UMODL1: variants seen among roughly 807,000 people sequenced by gnomAD.
UMODL1 encodes uromodulin like 1.
A neutral mutation model predicts 136.3 loss-of-function variants in UMODL1; 128 were observed. That is an observed-to-expected ratio of 0.94 (90% CI 0.81 to 1.09). The LOEUF (loss-of-function observed/expected upper bound fraction) is 1.09, where lower values mean the gene tolerates loss of function less well. Among genes scored for constraint, UMODL1 ranks in the 50% least tolerant of loss-of-function variants. UMODL1 has a pLI of 0.00. For missense variants in UMODL1, 1,766 were observed against 1,725.6 expected (o/e 1.02, Z -0.41); for synonymous variants, 721 against 720.0 (o/e 1.00, Z -0.02).
At position 42,099,275 on chromosome 21, in the gene UMODL1, C is replaced by G; in HGVS notation, c.1186+95C>G. The stretch of plus-strand genomic sequence containing the variant: ...GCATGTCGCGTTCTTCTTCCTATAA[C>G]CAGGGCACCAGAAGTCACTGACCGC... On this transcript the variant is annotated intron_variant, in intron 7 of 22. Transcript: ENST00000408910. The surrounding 1 kb of genome is among the most constrained non-coding windows in gnomAD (Gnocchi z 4.1). 2.0e-6 allele frequency: 3 copies of G among 1,497,308 alleles called. No homozygotes were observed. The South Asian group carries it at 4.0e-5, about 20-fold the overall frequency. 92.8% of individuals were successfully genotyped at this position (1,497,308 alleles called of 1,614,324 possible).
At chr21:42,094,494 T>C (rs2066530150) in intron 6 of UMODL1, among the ~76,000 whole-genome samples, 2 of 152,138 alleles carry the variant, frequency 1.3e-5, no homozygotes, top group Non-Finnish European at 2.9e-5. Flanking sequence ...AAGTTTAGAT[T>C]ATCCGCATTG....
At chr21:42,079,687 G>A (rs1332005815) in intron 2 of UMODL1, among the ~76,000 whole-genome samples, 1 of 152,174 alleles carries the variant, frequency 6.6e-6, no homozygotes, top group Non-Finnish European at 1.5e-5. Flanking sequence ...CCAATCCCTC[G>A]GGCACCAAAG....
intron 9 of UMODL1, chr21:42,108,502 C>A: frequency 2.4e-6 from 1 of 421,692 alleles, no homozygotes; most frequent in Non-Finnish European, 4.9e-6. Flanking sequence ...AGCCTCAGAG[C>A]ACTCAGCAGC....
Position 42,119,240 on chromosome 21 carries a change from G to A in UMODL1, c.2605G>A (p.Val869Ile). ...CTTGCTGATAATCGCAGATGTGGAT[G>A]TCCAGGAGGTGTCAGCTGCATTTCT... ...FHLLIIADVD[V>I]QEVSAAFLTA... Residue 869 changes from valine to isoleucine, a missense_variant, in exon 15 of 23, where the codon GTC becomes ATC. By Grantham distance (29) the Val-to-Ile change is conservative. Coordinates refer to ENST00000408910, the MANE Select transcript of UMODL1 (RefSeq NM_001004416.3). 3 of 1,614,220 alleles carry A rather than the reference G, an allele frequency of 1.9e-6. No homozygotes were observed. The highest frequency in any genetic ancestry group is 1.7e-5 in the Admixed American group (1 of 60,032).
intron 6 of UMODL1, 114 bp downstream of exon 6, chr21:42,090,552 T>A (rs530790114): frequency 7.7e-7 from 1 of 1,303,318 alleles, no homozygotes; most frequent in Non-Finnish European, 1.0e-6. Context: ...AACTCTGCCA[T>A]GAAATATCTT....
At chr21:42,074,756 G>T (rs943617890) in intron 1 of UMODL1, among the ~76,000 whole-genome samples, 5 of 152,018 alleles carry the variant, frequency 3.3e-5, no homozygotes, top group African/African-American at 1.2e-4. Context: ...ATGGAGTCTC[G>T]CTCTGTCACC....
At chr21:42,119,067 C>T (rs2066935117) in intron 14 of UMODL1, 44 bp from the exon 15 acceptor site, 2 of 1,588,790 alleles carry the variant, frequency 1.3e-6, no homozygotes, top group Non-Finnish European at 8.6e-7. Context: ...GCATCTGTTT[C>T]CTCTCAGCGT....
At chr21:42,070,834 T>C (rs944024451), upstream of UMODL1, among the ~76,000 whole-genome samples, 3 of 152,226 alleles carry the variant, frequency 2.0e-5, no homozygotes, top group South Asian at 6.2e-4. Context: ...ACTTTTGAAG[T>C]GCATTGTGGA....
chr21:42,081,800 T>C (rs2066365492), intron 2 of UMODL1, among the ~76,000 whole-genome samples: 1 of 152,186 alleles, frequency 6.6e-6, no homozygotes, highest in Non-Finnish European at 1.5e-5. Context: ...CATAGTTTAT[T>C]TGGATTCCCC....
In UMODL1 at chr21:42,142,410, C is replaced by A. The variant is rs71320513; in HGVS notation, c.*336C>A. 4 of 152,298 alleles carry A rather than the reference C, an allele frequency of 2.6e-5. No individual in the cohort carries two copies. The highest frequency in any genetic ancestry group is 7.2e-5 in the African/African-American group (3 of 41,460). 9.4% of individuals were successfully genotyped at this position (152,298 alleles called of 1,614,324 possible). A position where few individuals can be genotyped will look rare whatever the true frequency, so the allele number is the denominator to read the frequency against. On this transcript the variant is annotated 3_prime_UTR_variant, in exon 23 of 23. Coordinates refer to ENST00000408910, the MANE Select transcript of UMODL1 (RefSeq NM_001004416.3). ...TGCGGCTACACCACCACCCGCGCGG[C>A]CCCCGCAGCCTAGACCTCCCAGGCC...
intron 5 of UMODL1, among the ~76,000 whole-genome samples, chr21:42,088,712 G>T (rs220302): frequency 0.27 from 41,171 of 150,654 alleles, 5,804 homozygotes; most frequent in East Asian, 0.4. Context: ...AACTTATTTT[G>T]CCCCCCATTT....
In UMODL1 at chr21:42,088,462, A is replaced by G. The variant is rs2066452951; in HGVS notation, c.772A>G (p.Ile258Val). The change falls in exon 5 of 23, where the codon ATC becomes GTC. Residue 258 changes from isoleucine to valine, a missense_variant. Physicochemically the swap from Ile to Val is conservative, Grantham distance 29. Coordinates refer to ENST00000408910, the MANE Select transcript of UMODL1 (RefSeq NM_001004416.3). ...CATTGCGAAGCGTGTCTATGAAGTGATCAGCGTCCAGGTGCAAGGTTGGGC... is the reference window on the plus strand; with the variant it reads ...CATTGCGAAGCGTGTCTATGAAGTGGTCAGCGTCCAGGTGCAAGGTTGGGC... Reference protein sequence around the residue: ...GDIAKRVYEVISVQVQDVNEC... With the variant: ...GDIAKRVYEVVSVQVQDVNEC... 1 of 1,602,414 alleles carries G rather than the reference A, an allele frequency of 6.2e-7. No individual in the cohort carries two copies. Among genetic ancestry groups the G allele is most frequent in the Non-Finnish European group, 8.5e-7 (1 of 1,170,384 alleles).
At chr21:42,090,931 AATTAAATGAGTGCCGGC>A (rs2066484295) in intron 6 of UMODL1, among the ~76,000 whole-genome samples, 1 of 152,240 alleles carries the variant, frequency 6.6e-6, no homozygotes. Context: ...GTTTATGTAA[AATTAAATGAGTGCCGGC>A]AGTGAGCTGC....
chr21:42,119,824 T>C (rs1012982808), intron 15 of UMODL1, among the ~76,000 whole-genome samples: 2 of 152,250 alleles, frequency 1.3e-5, no homozygotes, highest in Non-Finnish European at 1.5e-5. Flanking sequence ...TTCATATTAA[T>C]TTTTTGATTT....
At chr21:42,075,886 C>T in intron 1 of UMODL1, 119 bp from the exon 2 acceptor site, 1 of 1,463,856 alleles carries the variant, frequency 6.8e-7, no homozygotes, top group Non-Finnish European at 9.3e-7. Flanking sequence ...TCTGAGAGGC[C>T]TGCGCGAGTG....
Position 42,085,532 on chromosome 21 carries a change from C to T in UMODL1, c.603+120C>T. ...GGAGGGTGATGTTCCCCAAATGGCCCCAAATGACTGACTCTGAACGAAATT... is the reference window on the plus strand; with the variant it reads ...GGAGGGTGATGTTCCCCAAATGGCCTCAAATGACTGACTCTGAACGAAATT... On this transcript the variant is annotated intron_variant, in intron 4 of 22. Transcript: ENST00000408910. This position sits in a 1 kb window ranked among gnomAD's most constrained non-coding sequence, Gnocchi z 4.5. 1 of 1,481,962 alleles carries T rather than the reference C, an allele frequency of 6.7e-7. No homozygotes were observed. Among genetic ancestry groups the T allele is most frequent in the Non-Finnish European group, 9.2e-7 (1 of 1,088,752 alleles). The allele number at this position is 1,481,962 out of a possible 1,614,324, so 91.8% of individuals were successfully genotyped here. A position where few individuals can be genotyped will look rare whatever the true frequency, so the allele number is the denominator to read the frequency against.
chr21:42,127,906 TA>T, intron 20 of UMODL1, 75 bp downstream of exon 20: 1 of 1,598,688 alleles, frequency 6.3e-7, no homozygotes, highest in Middle Eastern at 1.7e-4. Context: ...GCTCTGTTAA[TA>T]AAAACCTAGG....
At chr21:42,093,005 G>A (rs948875190) in intron 6 of UMODL1, among the ~76,000 whole-genome samples, 3 of 152,212 alleles carry the variant, frequency 2.0e-5, no homozygotes, top group Admixed American at 1.3e-4. Context: ...CTGCCTGAGA[G>A]TGTGATGGGC....
At position 42,113,440 on chromosome 21, in the gene UMODL1, C is replaced by T. The variant is rs1262246951; in HGVS notation, c.2105-133C>T. ...TTTGTACAGGATCCTACTCACCCAT[C>T]ACCTCGGCGGCCATCACCTGCAAAT... On this transcript the variant is annotated intron_variant, in intron 12 of 22. Transcript: ENST00000408910. The T allele has an allele frequency of 2.7e-6, 3 of 1,106,548 alleles. No individual in the cohort carries two copies. In the South Asian group the frequency reaches 4.9e-5, roughly 18 times the overall value. 68.5% of individuals were successfully genotyped at this position (1,106,548 alleles called of 1,614,324 possible).
Sources: gnomAD v4.1 joint callset for allele counts (sites outside exome capture counted in the v4.1 genomes callset) on GRCh38, gnomAD v4.1.1 for gene constraint, Gnocchi (gnomAD v3.1) non-coding constraint, MANE v1.5 for transcripts, NCBI Gene and HGNC (gene_info 2026-07-23, HGNC 2026-07-21) for gene names.